Variants in MMP27 observed in about 807,000 individuals in gnomAD.
MMP27 encodes the protein matrix metalloproteinase-27.
In MMP27, 51 loss-of-function variants were observed where a neutral mutation model predicts 48.1. The observed-to-expected ratio is 1.06, with a 90% CI of 0.85 to 1.34. The LOEUF (loss-of-function observed/expected upper bound fraction) is 1.34, where lower values mean the gene tolerates loss of function less well. Among genes scored for constraint, MMP27 ranks in the 40% most tolerant of loss-of-function variants. The pLI is 0.00. For synonymous variants in MMP27, 229 were observed against 208.9 expected (o/e 1.10, Z -0.83); for missense variants, 698 against 619.3 (o/e 1.13, Z -1.35).
intron 6 of MMP27, 34 bp downstream of exon 6, chr11:102,696,337 T>A: frequency 1.2e-6 from 2 of 1,608,164 alleles, no homozygotes; most frequent in Non-Finnish European, 1.7e-6. Context: ...AAAATCTTCA[T>A]AGGAAGTTGA....
At position 102,696,330 on chromosome 11, in the gene MMP27, A is replaced by G; in HGVS notation, c.902+41T>C. On this transcript the variant is annotated intron_variant, in intron 6 of 9. Coordinates refer to ENST00000260229, the MANE Select transcript of MMP27 (RefSeq NM_022122.3). ...ATCCTCAAATCTCTTGAAAAGAAAAATCTTCATAGGAAGTTGAGGTGTTTA... is the reference window on the plus strand; with the variant it reads ...ATCCTCAAATCTCTTGAAAAGAAAAGTCTTCATAGGAAGTTGAGGTGTTTA... 3.1e-6 allele frequency: 5 copies of G among 1,605,392 alleles called. No homozygotes were observed. In the Middle Eastern group the frequency reaches 5.0e-4, roughly 160 times the overall value.
intron 2 of MMP27, among the ~76,000 whole-genome samples, chr11:102,703,439 A>G (rs533022169): frequency 2.0e-5 from 3 of 152,204 alleles, no homozygotes; most frequent in Non-Finnish European, 4.4e-5. Flanking sequence ...ATATGAAAGT[A>G]TTATAAAGAC....
chr11:102,694,970 T>G lies in MMP27; in HGVS notation c.1030A>C (p.Lys344Gln). ...ENPRDKILVF[K>Q]DENFWMIRGY... ...GAATCGGGATGGGCCAGGTTACCTT[T>G]AAAAACCAGAATCTTATCTCTGGGG... The change falls in exon 7 of 10, where the codon AAA becomes CAA. Residue 344 changes from lysine to glutamine, a missense_variant. Lys to Gln is a moderately conservative substitution (Grantham distance 53). Coordinates refer to ENST00000260229, the MANE Select transcript of MMP27 (RefSeq NM_022122.3). The G allele has an allele frequency of 6.2e-7, 1 of 1,613,840 alleles. No individual in the cohort carries two copies. Among genetic ancestry groups the G allele is most frequent in the Non-Finnish European group, 8.5e-7 (1 of 1,179,856 alleles).
intron 7 of MMP27, among the ~76,000 whole-genome samples, 172 bp downstream of exon 7, chr11:102,694,795 C>T (rs1337356389): frequency 1.3e-5 from 2 of 152,174 alleles, no homozygotes; most frequent in Admixed American, 1.3e-4. Flanking sequence ...TGTTTATCTT[C>T]ACAGCCACAG....
intron 9 of MMP27, among the ~76,000 whole-genome samples, chr11:102,692,603 T>C (rs570734251): frequency 5.3e-5 from 8 of 152,350 alleles, no homozygotes; most frequent in African/African-American, 1.9e-4. Context: ...CCCCAAGCTA[T>C]GTACATTAAG....
In MMP27 at chr11:102,702,999, GC is replaced by G; in HGVS notation, c.460del (p.Ala154GlnfsTer4). On this transcript the variant is annotated frameshift_variant, in exon 3 of 10. Transcript: ENST00000260229. LOFTEE classifies it high-confidence loss of function. ...AGTCCTAAAGGCAATCATGATGTCT[GC>G]AATCCCCTTTGAAATCTTGGTGAAT... is the stretch of plus-strand genomic sequence containing the variant. Reference protein sequence around the residue: ...LKFTKISKGIADIMIAFRTRV... With the variant: ...LKFTKISKGIXDIMIAFRTRV... The G allele has an allele frequency of 6.2e-7, 1 of 1,614,164 alleles. No homozygotes were observed. Among genetic ancestry groups the G allele is most frequent in the Non-Finnish European group, 8.5e-7 (1 of 1,180,016 alleles).
At chr11:102,695,660 G>T (rs1227752775) in intron 6 of MMP27, among the ~76,000 whole-genome samples, 1 of 152,156 alleles carries the variant, frequency 6.6e-6, no homozygotes, top group Non-Finnish European at 1.5e-5. Context: ...ACATGTGATT[G>T]TAACGCGATA....
chr11:102,698,687 T>C (rs1338016904), intron 4 of MMP27, among the ~76,000 whole-genome samples: 2 of 152,176 alleles, frequency 1.3e-5, no homozygotes, highest in Admixed American at 1.3e-4. Flanking sequence ...ATCGCTGGCA[T>C]TTTTCATCTG....
intron 2 of MMP27, among the ~76,000 whole-genome samples, chr11:102,703,806 G>A (rs1860992676): frequency 2.0e-5 from 3 of 152,228 alleles, no homozygotes; most frequent in South Asian, 2.1e-4. Flanking sequence ...TTACAGGCAT[G>A]AGCCACCACA....
At chr11:102,695,928 G>A (rs1258520139) in intron 6 of MMP27, among the ~76,000 whole-genome samples, 1 of 152,174 alleles carries the variant, frequency 6.6e-6, no homozygotes, top group Non-Finnish European at 1.5e-5. Flanking sequence ...TCTCCAGGTG[G>A]GAAGAAGACA....
intron 4 of MMP27, among the ~76,000 whole-genome samples, chr11:102,697,194 T>A (rs1382003450): frequency 6.6e-6 from 1 of 152,216 alleles, no homozygotes; most frequent in Non-Finnish European, 1.5e-5. Flanking sequence ...TGTAGCACAA[T>A]GGTAAGCAAT....
chr11:102,704,533 T>A lies in MMP27; in HGVS notation c.341+4A>T. ...AGGCGGAAATAAGCTGGCAGAAGCA[T>A]TACCTGTAGGTGAGGTTGTATTTTC... On this transcript the variant is annotated splice_donor_region_variant and intron_variant, in intron 2 of 9. Coordinates refer to ENST00000260229, the MANE Select transcript of MMP27 (RefSeq NM_022122.3). The A allele has an allele frequency of 6.3e-7, 1 of 1,599,048 alleles. No homozygotes were observed. The highest frequency in any genetic ancestry group is 8.6e-7 in the Non-Finnish European group (1 of 1,167,544).
rs751031968 is a variant in MMP27, at chr11:102,702,975, G to T, written c.485C>A (p.Thr162Asn). The change falls in exon 3 of 10, where the codon ACT (threonine) becomes AAT (asparagine). Residue 162 changes from threonine to asparagine, a missense_variant. Physicochemically the swap from Thr to Asn is moderately conservative, Grantham distance 65. Coordinates refer to ENST00000260229, the MANE Select transcript of MMP27 (RefSeq NM_022122.3). ...CTCTCTGTTGAAAACCTTACCTCGAGTCCTAAAGGCAATCATGATGTCTGC... is the reference window on the plus strand; with the variant it reads ...CTCTCTGTTGAAAACCTTACCTCGATTCCTAAAGGCAATCATGATGTCTGC... ...GIADIMIAFR[T>N]RVHGRCPRYF... 78 of 1,613,446 alleles carry T rather than the reference G, an allele frequency of 4.8e-5. No individual in the cohort carries two copies. In the Middle Eastern group the frequency reaches 4.9e-4, roughly 10 times the overall value.
At chr11:102,698,494 C>T (rs1346125553) in intron 4 of MMP27, among the ~76,000 whole-genome samples, 2 of 151,744 alleles carry the variant, frequency 1.3e-5, no homozygotes, top group Non-Finnish European at 2.9e-5. Context: ...AAGAAGCCAC[C>T]AGTTTGGGGT....
intron 8 of MMP27, 75 bp downstream of exon 8, chr11:102,693,831 G>T (rs551441046): frequency 8.3e-7 from 1 of 1,207,246 alleles, no homozygotes; most frequent in Non-Finnish European, 1.1e-6. Flanking sequence ...TTTTAATTTT[G>T]TCTGTGTCAA....
chr11:102,694,856 A>G, intron 7 of MMP27, 111 bp downstream of exon 7: 1 of 1,238,428 alleles, frequency 8.1e-7, no homozygotes, highest in Non-Finnish European at 1.1e-6. Context: ...GATGAGAGCA[A>G]AAGCCCTGCG....
chr11:102,693,617 T>C (rs1431428018), intron 8 of MMP27, among the ~76,000 whole-genome samples: 2 of 152,038 alleles, frequency 1.3e-5, no homozygotes, highest in East Asian at 3.9e-4. Context: ...ACTCCATCTC[T>C]ACAAAAAGTA....
intron 4 of MMP27, among the ~76,000 whole-genome samples, chr11:102,698,571 C>T (rs1237220783): frequency 1.3e-5 from 2 of 152,090 alleles, no homozygotes; most frequent in Non-Finnish European, 2.9e-5. Context: ...TTCTGTATTG[C>T]TATAGGATAA....
chr11:102,704,542 G>A lies in MMP27; in HGVS notation c.336C>T (p.Thr112=), dbSNP rs1181132430. The A allele has an allele frequency of 2.5e-6, 4 of 1,609,236 alleles. No homozygotes were observed. Among genetic ancestry groups the A allele is most frequent in the Non-Finnish European group, 3.4e-6 (4 of 1,175,750 alleles). ...TLPGWRKYNL[T]YRIINYTPDM... ...TAAGCTGGCAGAAGCATTACCTGTA[G>A]GTGAGGTTGTATTTTCTCCACCCAG... The change falls in exon 2 of 10, where the codon ACC becomes ACT. Residue 112 remains threonine, a synonymous_variant. Transcript: ENST00000260229.
Sources: gnomAD v4.1 joint callset for allele counts (sites outside exome capture counted in the v4.1 genomes callset) on GRCh38, gnomAD v4.1.1 for gene constraint, MANE v1.5 for transcripts, NCBI Gene and HGNC (gene_info 2026-07-23, HGNC 2026-07-21) for gene names.